CSMD1: variants seen among roughly 807,000 people sequenced by gnomAD.
CSMD1 encodes the protein CUB and sushi domain-containing protein 1.
In CSMD1, 213 loss-of-function variants were observed where a neutral mutation model predicts 417.5. The ratio of observed to expected loss-of-function variants is 0.51; its 90% CI spans 0.46 to 0.57. The LOEUF is 0.57. CSMD1 is among the 20% of genes least tolerant of loss of function. The pLI is 0.00. For missense variants in CSMD1, 6,923 were observed against 4,529.7 expected (o/e 1.53, Z -15.17); for synonymous variants, 2,862 against 1,736.8 (o/e 1.65, Z -16.11).
intron 6 of CSMD1, among the ~76,000 whole-genome samples, chr8:3,727,538 C>T (rs138161733): frequency 2.6e-5 from 4 of 152,158 alleles, no homozygotes; most frequent in East Asian, 1.9e-4. Flanking sequence ...AGGCAGCTGT[C>T]GTGAAAAAAC....
intron 5 of CSMD1, among the ~76,000 whole-genome samples, chr8:3,993,016 C>G (rs1284317903): frequency 6.6e-6 from 1 of 152,324 alleles, no homozygotes; most frequent in South Asian, 2.1e-4. Flanking sequence ...ACCAAATGCT[C>G]TGTGGGTCCC....
chr8:3,583,395 A>T (rs137954733), intron 9 of CSMD1, among the ~76,000 whole-genome samples: 17 of 152,100 alleles, frequency 1.1e-4, no homozygotes, highest in Non-Finnish European at 2.2e-4. Context: ...TGCTAGTAGA[A>T]ATCTATCTTG....
intron 1 of CSMD1, among the ~76,000 whole-genome samples, chr8:4,953,967 G>A (rs1585399452): frequency 6.6e-6 from 1 of 152,152 alleles, no homozygotes; most frequent in East Asian, 1.9e-4. Context: ...GTAAAGTTAA[G>A]AAATACTACC....
At chr8:3,049,452 G>A (rs140257274) in intron 50 of CSMD1, among the ~76,000 whole-genome samples, 7 of 152,186 alleles carry the variant, frequency 4.6e-5, no homozygotes, top group South Asian at 4.1e-4. Context: ...AAACTTAAAC[G>A]CTTATTACTA....
intron 5 of CSMD1, among the ~76,000 whole-genome samples, chr8:3,859,802 T>A (rs1455854219): frequency 6.6e-6 from 1 of 152,202 alleles, no homozygotes. Context: ...CAATGCATCC[T>A]GATTCCGCAG....
intron 8 of CSMD1, among the ~76,000 whole-genome samples, chr8:3,608,532 G>C (rs1182223198): frequency 2.0e-5 from 3 of 152,134 alleles, no homozygotes; most frequent in South Asian, 2.1e-4. Flanking sequence ...GGGAGGCCAA[G>C]GTGGGTGGAT....
intron 7 of CSMD1, among the ~76,000 whole-genome samples, chr8:3,644,596 G>C (rs1037894053): frequency 6.6e-6 from 1 of 152,114 alleles, no homozygotes; most frequent in South Asian, 2.1e-4. Context: ...AGCTGTGAAA[G>C]GAATGAACGG....
rs1449640369 is a variant in CSMD1 at position 3,607,481 on chromosome 8, G to C, written c.1097+9229C>G. Among the ~76,000 whole-genome samples, 6 of 152,308 alleles carry C rather than the reference G, an allele frequency of 3.9e-5. 1 individual carries two copies. The South Asian group carries it at 1.2e-3, about 32-fold the overall frequency. On this transcript the variant is annotated intron_variant, in intron 8 of 69. Coordinates refer to ENST00000635120, the MANE Select transcript of CSMD1 (RefSeq NM_033225.6). ...GTCATTGATTCTCATTATCAAGTAT[G>C]TGCTAGCCTTTTCTGTGACTGGCAG...
chr8:3,577,119 C>A (rs545392898), intron 9 of CSMD1, among the ~76,000 whole-genome samples: 4 of 152,272 alleles, frequency 2.6e-5, no homozygotes, highest in African/African-American at 9.6e-5. Context: ...TGTTCCCAGC[C>A]GGAAAGATCC....
chr8:3,816,851 A>T (rs540851918), intron 5 of CSMD1, among the ~76,000 whole-genome samples: 1 of 152,232 alleles, frequency 6.6e-6, no homozygotes, highest in South Asian at 2.1e-4. Context: ...GGTTTGGAAC[A>T]TATTTCTCAG....
intron 5 of CSMD1, among the ~76,000 whole-genome samples, chr8:3,919,628 A>G (rs938468700): frequency 2.0e-5 from 3 of 152,086 alleles, no homozygotes; most frequent in Non-Finnish European, 4.4e-5. Context: ...GTCTTTTGTG[A>G]TTCCATACAA....
intron 5 of CSMD1, among the ~76,000 whole-genome samples, chr8:3,837,717 T>G (rs571513785): frequency 5.3e-5 from 8 of 152,212 alleles, no homozygotes; most frequent in African/African-American, 1.2e-4. Context: ...TGAGAACACA[T>G]AACTACCCTC....
chr8:3,738,692 C>A (rs1037055327), intron 6 of CSMD1, among the ~76,000 whole-genome samples: 3 of 152,184 alleles, frequency 2.0e-5, no homozygotes, highest in African/African-American at 7.2e-5. Flanking sequence ...TGAATGCACA[C>A]AGACACATGG....
At chr8:3,576,469 A>G (rs937345039) in intron 9 of CSMD1, among the ~76,000 whole-genome samples, 1 of 152,150 alleles carries the variant, frequency 6.6e-6, no homozygotes, top group African/African-American at 2.4e-5. Context: ...AGTCCTAGAC[A>G]TGTGAAAATG....
intron 5 of CSMD1, among the ~76,000 whole-genome samples, chr8:3,786,361 C>T (rs770732964): frequency 6.6e-6 from 1 of 151,946 alleles, no homozygotes; most frequent in African/African-American, 2.4e-5. Context: ...GCTTGGGTGA[C>T]CTCATTTAGG....
intron 5 of CSMD1, among the ~76,000 whole-genome samples, chr8:3,914,864 TAC>T (rs1563206197): frequency 1.3e-5 from 2 of 152,210 alleles, no homozygotes; most frequent in Non-Finnish European, 2.9e-5. Context: ...GCACACATCA[TAC>T]AGTTTTCAGT....
chr8:4,125,965 A>G (rs1802740426), intron 3 of CSMD1, among the ~76,000 whole-genome samples: 1 of 152,110 alleles, frequency 6.6e-6, no homozygotes, highest in African/African-American at 2.4e-5. Flanking sequence ...TACTATTGTA[A>G]AACCTAAGAT....
chr8:4,215,855 G>C (rs1246921065), intron 3 of CSMD1, among the ~76,000 whole-genome samples: 3 of 152,116 alleles, frequency 2.0e-5, no homozygotes, highest in Non-Finnish European at 4.4e-5. Context: ...GGGTTTATGT[G>C]ATTAATTCTA....
intron 7 of CSMD1, among the ~76,000 whole-genome samples, chr8:3,703,053 C>T (rs77676872): frequency 1.4e-4 from 21 of 152,038 alleles, no homozygotes; most frequent in Non-Finnish European, 2.8e-4. Context: ...ATATAAACCA[C>T]GTAATTATAA....
Sources: allele counts gnomAD v4.1 joint callset (sites outside exome capture counted in the v4.1 genomes callset), GRCh38; gene constraint gnomAD v4.1.1; transcripts MANE v1.5; gene names NCBI Gene and HGNC (gene_info 2026-07-23, HGNC 2026-07-21).